Variants in STEAP3 observed in about 807,000 individuals in gnomAD.
STEAP3 encodes metalloreductase STEAP3.
Under a neutral mutation model 34.9 loss-of-function variants are expected in STEAP3, and 35 were observed. The ratio of observed to expected loss-of-function variants is 1.00; its 90% CI spans 0.76 to 1.33. The LOEUF is 1.33. Ranked by LOEUF, STEAP3 falls within the 40% of genes most tolerant of loss-of-function variation. The pLI is 0.00. For missense variants in STEAP3, 652 were observed against 667.6 expected, an observed-to-expected ratio of 0.98 and a Z score of 0.26; for synonymous variants, 281 against 301.6, an observed-to-expected ratio of 0.93 and a Z score of 0.71.
In STEAP3 at chr2:119,238,236, C is replaced by T. The variant is rs568624345; in HGVS notation, c.22+7202C>T. Reference sequence around the variant, plus strand: ...TGAAGAATTCCCAGGCTGTTCTCCACGGTGCCTGCACCATTTTACAATCCC... The same window carrying T: ...TGAAGAATTCCCAGGCTGTTCTCCATGGTGCCTGCACCATTTTACAATCCC... On this transcript the variant is annotated intron_variant, in intron 2 of 5. Coordinates refer to ENST00000393110, the MANE Select transcript of STEAP3 (RefSeq NM_182915.3). 3.0e-3 allele frequency among the ~76,000 whole-genome samples: 451 copies of T among 152,338 alleles called. 3 individuals carry two copies. Among genetic ancestry groups the T allele is most frequent in the Admixed American group, 0.011 (169 of 15,306 alleles).
chr2:119,242,854 C>T (rs1467887877), intron 2 of STEAP3, among the ~76,000 whole-genome samples: 4 of 152,190 alleles, frequency 2.6e-5, no homozygotes, highest in African/African-American at 7.2e-5. Context: ...GGCTCCAGAG[C>T]CCGGCTCCTG....
At chr2:119,239,754 A>G (rs1320298240) in intron 2 of STEAP3, among the ~76,000 whole-genome samples, 1 of 152,072 alleles carries the variant, frequency 6.6e-6, no homozygotes, top group Non-Finnish European at 1.5e-5. Context: ...GACCTTAAAC[A>G]CTTTAGTCCA....
At chr2:119,235,057 A>T (rs1677054602) in intron 2 of STEAP3, among the ~76,000 whole-genome samples, 1 of 152,194 alleles carries the variant, frequency 6.6e-6, no homozygotes, top group South Asian at 2.1e-4. Context: ...CTCTGGGAAT[A>T]TCCTCCCAGT....
rs145904232 is a variant in STEAP3, at chr2:119,254,594, C to T, written c.1051-90C>T. On this transcript the variant is annotated intron_variant, in intron 4 of 5. Transcript: ENST00000393110. The stretch of plus-strand genomic sequence containing the variant: ...CGTCAGGTGCAGTGTGAGCGCCCGC[C>T]GTCTTGTCTTTCTTGTGTCCTTCAT... The T allele has an allele frequency of 7.1e-4, 1,057 of 1,488,776 alleles. 6 individuals are homozygous for T. The African/African-American group carries it at 9.6e-3, about 14-fold the overall frequency. The allele number at this position is 1,488,776 out of a possible 1,614,324, so 92.2% of individuals were successfully genotyped here. A position where few individuals can be genotyped will look rare whatever the true frequency, so the allele number is the denominator to read the frequency against.
chr2:119,263,413 G>T lies in STEAP3; in HGVS notation c.*75G>T, dbSNP rs1182304707. 6.5e-7 allele frequency: 1 copy of T among 1,543,430 alleles called. No individual in the cohort carries two copies. Among genetic ancestry groups the T allele is most frequent in the Admixed American group, 2.0e-5 (1 of 51,162 alleles). ...GAGCCCGTTAGGTTTTCTTTTCTTGGTGGTGCAAAGTGGTATAACTGTGTG... is the reference window on the plus strand; with the variant it reads ...GAGCCCGTTAGGTTTTCTTTTCTTGTTGGTGCAAAGTGGTATAACTGTGTG... On this transcript the variant is annotated 3_prime_UTR_variant, in exon 6 of 6. Transcript: ENST00000393110.
At position 119,245,635 on chromosome 2, in the gene STEAP3, C is replaced by T. The variant is rs533447760; in HGVS notation, c.169C>T (p.Leu57=). The stretch of plus-strand genomic sequence containing the variant: ...CTTTGCCCGCTCCCTGGCCACACGC[C>T]TGGTGGGCTCTGGCTTCAAAGTGGT... ...GDFARSLATR[L]VGSGFKVVVG... is the part of the protein sequence containing the mutation. The change falls in exon 3 of 6, where the codon CTG becomes TTG. Residue 57 remains leucine, a synonymous_variant. Transcript: ENST00000393110. The T allele has an allele frequency of 6.1e-5, 98 of 1,611,328 alleles. 1 individual carries two copies. The highest frequency in any genetic ancestry group is 4.8e-4 in the South Asian group (44 of 91,064).
chr2:119,234,186 G>A lies in STEAP3; in HGVS notation c.22+3152G>A, dbSNP rs537555616. Among the ~76,000 whole-genome samples, 89 of 152,142 alleles carry A rather than the reference G, an allele frequency of 5.8e-4. 1 individual carries two copies. The South Asian group carries it at 0.013, about 22-fold the overall frequency. Reference sequence around the variant, plus strand: ...TAACTCTGCCCTTTCCTAACCCCACGGCTCACCCTGCCCAGGAGCAGGGAT... The same window carrying A: ...TAACTCTGCCCTTTCCTAACCCCACAGCTCACCCTGCCCAGGAGCAGGGAT... On this transcript the variant is annotated intron_variant, in intron 2 of 5. Transcript: ENST00000393110.
rs777530731 is a variant in STEAP3 at position 119,263,176 on chromosome 2, G to A, written c.1335G>A (p.Thr445=). 9.9e-6 allele frequency: 16 copies of A among 1,614,018 alleles called. No individual in the cohort carries two copies. The highest frequency in any genetic ancestry group is 9.9e-5 in the South Asian group (9 of 91,090). ...KFYLPPTFTL[T]LLVPCVVILA... is the part of the protein sequence containing the mutation. ...ACCTGCCTCCCACCTTCACGCTCAC[G>A]CTGCTGGTGCCCTGCGTCGTCATCC... The change falls in exon 6 of 6, where the codon ACG becomes ACA. Residue 445 remains threonine, a synonymous_variant. Coordinates refer to ENST00000393110, the MANE Select transcript of STEAP3 (RefSeq NM_182915.3).
At chr2:119,254,931 T>G in intron 5 of STEAP3, 83 bp downstream of exon 5, 1 of 1,504,364 alleles carries the variant, frequency 6.6e-7, no homozygotes, top group Non-Finnish European at 9.0e-7. Context: ...CTTTGAGAAC[T>G]GCCTGGGCTC....
At chr2:119,246,112 C>A in intron 3 of STEAP3, 124 bp downstream of exon 3, 2 of 1,289,026 alleles carry the variant, frequency 1.6e-6, no homozygotes, top group Non-Finnish European at 2.1e-6. Flanking sequence ...TGCAAAATTC[C>A]ATTTTACAGA....
chr2:119,250,842 C>T (rs1192989370), intron 4 of STEAP3, among the ~76,000 whole-genome samples: 1 of 152,156 alleles, frequency 6.6e-6, no homozygotes, highest in African/African-American at 2.4e-5. Flanking sequence ...ATCTTTAGGG[C>T]TGCAGGCCCT....
chr2:119,258,597 A>ATTTTTTT (rs57364767), intron 5 of STEAP3, among the ~76,000 whole-genome samples: 1 of 69,940 alleles, frequency 1.4e-5, no homozygotes, highest in Non-Finnish European at 2.5e-5. Flanking sequence ...TCCTTTGGGT[A>ATTTTTTT]TTTTTTTTTT....
At chr2:119,243,660 A>G (rs1677318282) in intron 2 of STEAP3, among the ~76,000 whole-genome samples, 1 of 152,176 alleles carries the variant, frequency 6.6e-6, no homozygotes, top group African/African-American at 2.4e-5. Context: ...TAAAAGGAAA[A>G]ATCACAGTTT....
rs1193677786 is a variant in STEAP3, at chr2:119,246,001, G to A, written c.522+13G>A. 9.4e-6 allele frequency: 15 copies of A among 1,600,562 alleles called. No homozygotes were observed. Among genetic ancestry groups the A allele is most frequent in the Non-Finnish European group, 1.2e-5 (14 of 1,171,074 alleles). On this transcript the variant is annotated intron_variant, in intron 3 of 5. Coordinates refer to ENST00000393110, the MANE Select transcript of STEAP3 (RefSeq NM_182915.3). ...TGGTAACAGGCAGGTAGGTTCTGGG[G>A]GAATAATACCCATCGTAACAATAAA...
At position 119,262,965 on chromosome 2, in the gene STEAP3, T is replaced by A. The variant is rs1033767631; in HGVS notation, c.1216-92T>A. The A allele has an allele frequency of 5.2e-6, 8 of 1,542,676 alleles. No homozygotes were observed. In the African/African-American group the frequency reaches 1.1e-4, roughly 21 times the overall value. On this transcript the variant is annotated intron_variant, in intron 5 of 5. Coordinates refer to ENST00000393110, the MANE Select transcript of STEAP3 (RefSeq NM_182915.3). ...CGGTGAGTACTAAAGCCACCCTCCT[T>A]CCCCTCCGCCAGGCCAGCAGATGAG... is the stretch of plus-strand genomic sequence containing the variant.
intron 5 of STEAP3, among the ~76,000 whole-genome samples, chr2:119,259,837 G>A (rs897368941): frequency 4.6e-5 from 7 of 152,336 alleles, no homozygotes; most frequent in African/African-American, 1.7e-4. Context: ...GGCGCCAAAA[G>A]GCTCTCAGTG....
At chr2:119,232,603 A>G (rs1022798990) in intron 2 of STEAP3, among the ~76,000 whole-genome samples, 2 of 152,054 alleles carry the variant, frequency 1.3e-5, no homozygotes, top group Non-Finnish European at 2.9e-5. Context: ...AAAACTTCTT[A>G]TTTGCATAAA....
intron 2 of STEAP3, among the ~76,000 whole-genome samples, chr2:119,235,460 G>A (rs1677068151): frequency 6.6e-6 from 1 of 152,346 alleles, no homozygotes; most frequent in East Asian, 1.9e-4. Context: ...GCAAGTGAGT[G>A]GTTAGTTCAT....
At chr2:119,235,557 A>T (rs150140301) in intron 2 of STEAP3, among the ~76,000 whole-genome samples, 19 of 152,342 alleles carry the variant, frequency 1.2e-4, no homozygotes, top group African/African-American at 3.6e-4. Context: ...GCAATTCTGG[A>T]TGTGGAGCCC....
Sources: gnomAD v4.1 joint callset for allele counts (sites outside exome capture counted in the v4.1 genomes callset) on GRCh38, gnomAD v4.1.1 for gene constraint, MANE v1.5 for transcripts, NCBI Gene and HGNC (gene_info 2026-07-23, HGNC 2026-07-21) for gene names.